FBXO42: variants seen among roughly 807,000 people sequenced by gnomAD.
FBXO42 encodes F-box protein 42, also known as F-box only protein 42.
FBXO42 carries 12 observed loss-of-function variants against 71.7 expected under a neutral mutation model. The observed-to-expected ratio is 0.17, with a 90% CI of 0.11 to 0.27. The LOEUF (loss-of-function observed/expected upper bound fraction) is 0.27. Among genes scored for constraint, FBXO42 ranks in the 10% least tolerant of loss-of-function variants. The pLI is 1.00. For synonymous variants in FBXO42, 325 were observed against 327.5 expected, an observed-to-expected ratio of 0.99 and a Z score of 0.08; for missense variants, 707 against 911.9, an observed-to-expected ratio of 0.78 and a Z score of 2.89.
At chr1:16,344,486 CTTTTTTTTTT>C (rs59077549) in intron 1 of FBXO42, among the ~76,000 whole-genome samples, 1 of 87,160 alleles carries the variant, frequency 1.1e-5, no homozygotes, top group Non-Finnish European at 2.2e-5. Context: ...ACCCAGCTAA[CTTTTTTTTTT>C]TTTTTTTTTT....
intron 3 of FBXO42, among the ~76,000 whole-genome samples, chr1:16,298,753 G>A (rs1157697961): frequency 6.6e-6 from 1 of 151,972 alleles, no homozygotes; most frequent in East Asian, 1.9e-4. Context: ...CAGGTGATCC[G>A]CTCGCCTCGG....
intron 4 of FBXO42, among the ~76,000 whole-genome samples, chr1:16,288,611 C>CGGG (rs2082046361): frequency 6.6e-6 from 1 of 151,944 alleles, no homozygotes; most frequent in East Asian, 1.9e-4. Context: ...CTGTATAAAC[C>CGGG]TGAAACATAA....
chr1:16,263,496 T>G (rs538064098), intron 4 of FBXO42, among the ~76,000 whole-genome samples: 1 of 151,640 alleles, frequency 6.6e-6, no homozygotes, highest in Non-Finnish European at 1.5e-5. Context: ...CCAGGCGTGG[T>G]GGATCACCTG....
At chr1:16,273,101 G>T (rs2081863099) in intron 4 of FBXO42, among the ~76,000 whole-genome samples, 1 of 152,084 alleles carries the variant, frequency 6.6e-6, no homozygotes, top group Non-Finnish European at 1.5e-5. Flanking sequence ...GTACTGTATT[G>T]TATGTAATAT....
chr1:16,293,819 T>C (rs1362336565), intron 4 of FBXO42: 1 of 152,238 alleles, frequency 6.6e-6, no homozygotes, highest in Non-Finnish European at 1.5e-5. Context: ...CATTTAGTAC[T>C]ACTCCACATT....
At chr1:16,321,379 A>G (rs2082408312) in intron 1 of FBXO42, among the ~76,000 whole-genome samples, 1 of 152,208 alleles carries the variant, frequency 6.6e-6, no homozygotes, top group South Asian at 2.1e-4. Context: ...AAGGATATAG[A>G]GGCATTTTGA....
At chr1:16,316,755 G>C (rs1177295548) in intron 1 of FBXO42, among the ~76,000 whole-genome samples, 1 of 108,778 alleles carries the variant, frequency 9.2e-6, no homozygotes, top group African/African-American at 3.5e-5. Flanking sequence ...AAAAAAAAAA[G>C]ATAGTAAATG....
Position 16,352,446 on chromosome 1 carries a change from G to A in FBXO42, c.-209C>T, listed in dbSNP as rs778209479. 5.0e-6 allele frequency: 2 copies of A among 398,534 alleles called. No homozygotes were observed. The highest frequency in any genetic ancestry group is 7.1e-5 in the East Asian group (2 of 28,116). The allele number at this position is 398,534 out of a possible 1,614,324, so 24.7% of individuals were successfully genotyped here. ...CCACTCAAACGCCGCCGCCGCCGCA[G>A]CTGCTGCTGCTCAGGCCGGGAGAAG... On this transcript the variant is annotated 5_prime_UTR_variant, in exon 1 of 10. Coordinates refer to ENST00000375592, the MANE Select transcript of FBXO42 (RefSeq NM_018994.3).
intron 4 of FBXO42, among the ~76,000 whole-genome samples, chr1:16,270,674 CA>C (rs34861558): frequency 0.071 from 1,047 of 14,818 alleles, 145 homozygotes; most frequent in African/African-American, 0.21. Flanking sequence ...CTCTGTCTCT[CA>C]AAAAAAAAAA....
chr1:16,339,726 C>A (rs1247607552), intron 1 of FBXO42, among the ~76,000 whole-genome samples: 2 of 152,188 alleles, frequency 1.3e-5, no homozygotes, highest in Non-Finnish European at 2.9e-5. Context: ...TTGATTACAT[C>A]TTATCCCCAG....
At chr1:16,273,307 C>A (rs187671220) in intron 4 of FBXO42, among the ~76,000 whole-genome samples, 1 of 152,268 alleles carries the variant, frequency 6.6e-6, no homozygotes. Context: ...TACTTTAGGT[C>A]ATTAGCCCCT....
At chr1:16,319,444 C>T (rs1327137696) in intron 1 of FBXO42, among the ~76,000 whole-genome samples, 4 of 152,176 alleles carry the variant, frequency 2.6e-5, no homozygotes, top group African/African-American at 9.6e-5. Flanking sequence ...AGCAAAGTGG[C>T]TATTAGAATC....
intron 2 of FBXO42, among the ~76,000 whole-genome samples, chr1:16,312,216 C>T (rs931234367): frequency 1.3e-5 from 2 of 151,896 alleles, no homozygotes; most frequent in Non-Finnish European, 2.9e-5. Context: ...AAAAAAATTA[C>T]ACAGGCATGG....
At chr1:16,264,383 C>T (rs2081749720) in intron 4 of FBXO42, among the ~76,000 whole-genome samples, 1 of 152,182 alleles carries the variant, frequency 6.6e-6, no homozygotes, top group Non-Finnish European at 1.5e-5. Context: ...AAATACTGCT[C>T]CTGCAAGAAC....
intron 4 of FBXO42, among the ~76,000 whole-genome samples, chr1:16,265,984 TGTTACTC>T (rs1240895735): frequency 3.9e-5 from 6 of 152,266 alleles, no homozygotes; most frequent in African/African-American, 1.4e-4. Flanking sequence ...CAAATAGAAC[TGTTACTC>T]TAGTCTTACA....
intron 1 of FBXO42, among the ~76,000 whole-genome samples, chr1:16,342,581 C>CAAA (rs58125011): frequency 8.0e-6 from 1 of 125,352 alleles, no homozygotes; most frequent in Non-Finnish European, 1.6e-5. Flanking sequence ...GATCCTGTCT[C>CAAA]AAAAAAAAAA....
At chr1:16,349,108 C>T (rs2082677541) in intron 1 of FBXO42, among the ~76,000 whole-genome samples, 1 of 151,454 alleles carries the variant, frequency 6.6e-6, no homozygotes, top group Admixed American at 6.6e-5. Context: ...TGGGAACTGT[C>T]ATGACAGTGA....
At chr1:16,315,467 C>T in intron 1 of FBXO42, 32 bp from the exon 2 acceptor site, 1 of 1,583,986 alleles carries the variant, frequency 6.3e-7, no homozygotes, top group Non-Finnish European at 8.6e-7. Context: ...TATCAGTATT[C>T]CACTGAAAGC....
intron 5 of FBXO42, 113 bp downstream of exon 5, chr1:16,256,493 A>G (rs2081646643): frequency 2.6e-6 from 3 of 1,133,298 alleles, no homozygotes; most frequent in South Asian, 1.6e-5. Context: ...CTGGGAAAAG[A>G]GTCCACAGCT....
Sources: allele counts gnomAD v4.1 joint callset (sites outside exome capture counted in the v4.1 genomes callset), GRCh38; gene constraint gnomAD v4.1.1; transcripts MANE v1.5; gene names NCBI Gene and HGNC (gene_info 2026-07-23, HGNC 2026-07-21).